FAM227B: variants seen among roughly 807,000 people sequenced by gnomAD.
FAM227B encodes the protein family with sequence similarity 227 member B.
In FAM227B, 88 loss-of-function variants were observed where a neutral mutation model predicts 73.8. That is an observed-to-expected ratio of 1.19 (90% CI 1.00 to 1.42). The LOEUF is 1.42. FAM227B is among the 40% of genes most tolerant of loss of function. FAM227B has a pLI of 0.00. For synonymous variants in FAM227B, 210 were observed against 190.5 expected (o/e 1.10, Z -0.84); for missense variants, 632 against 590.9 (o/e 1.07, Z -0.72).
In FAM227B at chr15:49,328,523, G is replaced by C; in HGVS notation, c.*45C>G. ...TTGTTACAATTAAACTGATACCACT[G>C]AATTGTATGCATTATTCTTGAATAG... On this transcript the variant is annotated 3_prime_UTR_variant, in exon 16 of 16. Transcript: ENST00000299338. 1 of 1,603,112 alleles carries C rather than the reference G, an allele frequency of 6.2e-7. No individual in the cohort carries two copies. Among genetic ancestry groups the C allele is most frequent in the Non-Finnish European group, 8.5e-7 (1 of 1,173,232 alleles).
At chr15:49,335,608 A>G (rs999913553) in intron 13 of FAM227B, 112 bp from the exon 14 acceptor site, 1 of 665,784 alleles carries the variant, frequency 1.5e-6, no homozygotes, top group East Asian at 2.6e-5. Flanking sequence ...TTCAGTAATG[A>G]AGAGTCTCAA....
intron 14 of FAM227B, among the ~76,000 whole-genome samples, chr15:49,332,068 C>T (rs1037696869): frequency 2.7e-5 from 4 of 148,688 alleles, no homozygotes; most frequent in African/African-American, 1.0e-4. Flanking sequence ...CACCCACCCC[C>T]GCTGCATGTG....
chr15:49,359,417 T>A lies in FAM227B; in HGVS notation c.1271+8031A>T, dbSNP rs77417730. 2.3e-3 allele frequency among the ~76,000 whole-genome samples: 272 copies of A among 117,170 alleles called. 13 individuals carry two copies. The highest frequency in any genetic ancestry group is 8.5e-3 in the African/African-American group (255 of 30,102). 76.9% of individuals were successfully genotyped at this position (117,170 alleles called of 152,430 possible). On this transcript the variant is annotated intron_variant, in intron 13 of 15. Coordinates refer to ENST00000299338, the MANE Select transcript of FAM227B (RefSeq NM_152647.3). Reference sequence around the variant, plus strand: ...GAAAAAAACAAACAACCCCATCAAATAGTGGGCGAAGGACATGAACAGACA... The same window carrying A: ...GAAAAAAACAAACAACCCCATCAAAAAGTGGGCGAAGGACATGAACAGACA...
chr15:49,437,529 G>A (rs1335467849), intron 11 of FAM227B, among the ~76,000 whole-genome samples: 1 of 151,410 alleles, frequency 6.6e-6, no homozygotes, highest in Non-Finnish European at 1.5e-5. Flanking sequence ...ATTTTTTTGG[G>A]GTGTGATTCT....
intron 10 of FAM227B, among the ~76,000 whole-genome samples, chr15:49,521,996 A>C (rs2059823259): frequency 1.3e-5 from 2 of 152,090 alleles, no homozygotes; most frequent in African/African-American, 4.8e-5. Context: ...CACCTACTGT[A>C]CTGGGAACTG....
chr15:49,573,284 C>A (rs2075237766), intron 8 of FAM227B, among the ~76,000 whole-genome samples: 1 of 152,030 alleles, frequency 6.6e-6, no homozygotes, highest in South Asian at 2.1e-4. Context: ...GATCTGAAAA[C>A]ACTGTGTTTG....
At chr15:49,480,630 C>T (rs1278426420) in intron 11 of FAM227B, among the ~76,000 whole-genome samples, 4 of 151,912 alleles carry the variant, frequency 2.6e-5, no homozygotes, top group African/African-American at 7.3e-5. Context: ...TACAGGCACC[C>T]GCCACCACAC....
chr15:49,569,514 A>G (rs1423779277), intron 8 of FAM227B, among the ~76,000 whole-genome samples: 1 of 151,870 alleles, frequency 6.6e-6, no homozygotes, highest in African/African-American at 2.4e-5. Flanking sequence ...GAACGTATAA[A>G]TCATAATTGT....
chr15:49,576,792 A>G lies in FAM227B; in HGVS notation c.495T>C (p.His165=). ...KANELTQLPR[H]LDAEQIYLFI... ...AAAGATAAATTTGTTCAGCATCCAAATGTCTGGGTAGCTGAGTAAGTTCAT... is the reference window on the plus strand; with the variant it reads ...AAAGATAAATTTGTTCAGCATCCAAGTGTCTGGGTAGCTGAGTAAGTTCAT... The change falls in exon 7 of 16, where the codon CAT becomes CAC. Residue 165 remains histidine (H), a synonymous_variant. Transcript: ENST00000299338. 1 of 1,613,016 alleles carries G rather than the reference A, an allele frequency of 6.2e-7. No homozygotes were observed. Among genetic ancestry groups the G allele is most frequent in the South Asian group, 1.1e-5 (1 of 90,958 alleles).
rs2058895539 is a variant in FAM227B at position 49,510,321 on chromosome 15, TA to T, written c.875-1974del. 2.0e-5 allele frequency among the ~76,000 whole-genome samples: 3 copies of T among 152,262 alleles called. No homozygotes were observed. In the South Asian group the frequency reaches 6.2e-4, roughly 32 times the overall value. ...TGAACCAGTTTTCTCTTTTTGAATA[TA>T]GAGAATAATGTGGACAATTGAGACT... On this transcript the variant is annotated intron_variant, in intron 10 of 15. Transcript: ENST00000299338.
In FAM227B at chr15:49,380,818, G is replaced by A. The variant is rs1225783314; in HGVS notation, c.1013-9419C>T. Among the ~76,000 whole-genome samples the A allele has an allele frequency of 2.0e-5, 3 of 152,130 alleles. No individual in the cohort carries two copies. The East Asian group carries it at 5.8e-4, about 29-fold the overall frequency. On this transcript the variant is annotated intron_variant, in intron 11 of 15. Transcript: ENST00000299338. Reference sequence around the variant, plus strand: ...GATTTAATTGGCCCCTTGTGACACAGCTGTGGTCAATGAAATGTCGGCAGA... The same window carrying A: ...GATTTAATTGGCCCCTTGTGACACAACTGTGGTCAATGAAATGTCGGCAGA...
chr15:49,529,473 C>A (rs545860895), intron 10 of FAM227B, among the ~76,000 whole-genome samples: 30 of 151,692 alleles, frequency 2.0e-4, no homozygotes, highest in African/African-American at 7.2e-4. Flanking sequence ...CAAAAATAAT[C>A]TAAAATAATC....
chr15:49,549,180 A>G (rs1324119517), intron 9 of FAM227B, among the ~76,000 whole-genome samples: 1 of 151,966 alleles, frequency 6.6e-6, no homozygotes, highest in East Asian at 1.9e-4. Flanking sequence ...ACCCTATTCC[A>G]TGGATTTTGG....
intron 11 of FAM227B, among the ~76,000 whole-genome samples, chr15:49,429,823 C>T (rs1372046403): frequency 6.6e-6 from 1 of 151,842 alleles, no homozygotes; most frequent in Non-Finnish European, 1.5e-5. Context: ...CATTAGATTA[C>T]TGGGGAATTA....
intron 11 of FAM227B, among the ~76,000 whole-genome samples, chr15:49,498,970 T>C (rs2057879689): frequency 6.6e-6 from 1 of 151,146 alleles, no homozygotes; most frequent in Non-Finnish European, 1.5e-5. Context: ...ATCGAGACCA[T>C]CCCGGCTAAA....
At chr15:49,392,633 C>A (rs1201815304) in intron 11 of FAM227B, among the ~76,000 whole-genome samples, 1 of 152,042 alleles carries the variant, frequency 6.6e-6, no homozygotes, top group Non-Finnish European at 1.5e-5. Context: ...GAGTGGTTAT[C>A]CAAGTGTAAG....
At chr15:49,618,577 G>A (rs1237461667) in intron 1 of FAM227B, among the ~76,000 whole-genome samples, 1 of 152,202 alleles carries the variant, frequency 6.6e-6, no homozygotes, top group Non-Finnish European at 1.5e-5. Context: ...AACACTAAAT[G>A]TTGATTTAGC....
intron 11 of FAM227B, among the ~76,000 whole-genome samples, chr15:49,468,240 C>T (rs2054438226): frequency 6.6e-6 from 1 of 151,978 alleles, no homozygotes; most frequent in African/African-American, 2.4e-5. Flanking sequence ...TTGATTTATT[C>T]CCTAATAATG....
intron 11 of FAM227B, among the ~76,000 whole-genome samples, chr15:49,468,079 TG>T (rs1260594088): frequency 2.0e-5 from 3 of 152,216 alleles, no homozygotes; most frequent in Non-Finnish European, 4.4e-5. Context: ...TTGTACCACA[TG>T]CTGATGTACT....
Sources: allele counts gnomAD v4.1 joint callset (sites outside exome capture counted in the v4.1 genomes callset), GRCh38; gene constraint gnomAD v4.1.1; transcripts MANE v1.5; gene names NCBI Gene and HGNC (gene_info 2026-07-23, HGNC 2026-07-21).